DOCK3: variants seen among roughly 807,000 people sequenced by gnomAD.
The protein encoded by DOCK3 is dedicator of cytokinesis 3.
Under a neutral mutation model 265.6 loss-of-function variants are expected in DOCK3, and 60 were observed. That is an observed-to-expected ratio of 0.23 (90% CI 0.18 to 0.28). The LOEUF is 0.28. DOCK3 is among the 10% of genes least tolerant of loss of function. The pLI, the probability that DOCK3 is intolerant of heterozygous loss-of-function variation, is 1.00. For synonymous variants in DOCK3, 881 were observed against 938.0 expected (o/e 0.94, Z 1.11); for missense variants, 1,981 against 2,594.3 (o/e 0.76, Z 5.14).
chr3:50,826,331 TTGAA>T (rs1341138001), intron 2 of DOCK3, among the ~76,000 whole-genome samples: 1 of 152,176 alleles, frequency 6.6e-6, no homozygotes, highest in Non-Finnish European at 1.5e-5. Context: ...TTTTTCCTGT[TTGAA>T]TGATTGGTAT....
intron 5 of DOCK3, among the ~76,000 whole-genome samples, chr3:50,989,575 AAAG>A (rs1308383596): frequency 8.5e-5 from 13 of 152,178 alleles, no homozygotes; most frequent in African/African-American, 2.2e-4. Flanking sequence ...TTGAAACCAG[AAAG>A]AAGAAGTCAG....
chr3:51,142,141 C>T (rs1203783892), intron 9 of DOCK3, among the ~76,000 whole-genome samples: 1 of 152,054 alleles, frequency 6.6e-6, no homozygotes, highest in Admixed American at 6.6e-5. Context: ...TTTCCTTTGC[C>T]AGTTATATCC....
At chr3:50,714,090 G>A (rs188522971) in intron 1 of DOCK3, among the ~76,000 whole-genome samples, 3 of 152,120 alleles carry the variant, frequency 2.0e-5, no homozygotes, top group Admixed American at 6.5e-5. Flanking sequence ...AAACTCCTGG[G>A]GTTATGTGAT....
intron 2 of DOCK3, among the ~76,000 whole-genome samples, chr3:50,839,094 A>G (rs1270570494): frequency 1.3e-5 from 2 of 152,196 alleles, no homozygotes; most frequent in Non-Finnish European, 2.9e-5. Flanking sequence ...TTGCATTATC[A>G]TTATATGGTG....
intron 8 of DOCK3, among the ~76,000 whole-genome samples, chr3:51,089,635 G>A (rs188633435): frequency 2.0e-5 from 3 of 152,222 alleles, no homozygotes; most frequent in East Asian, 3.9e-4. Context: ...CGGGCTGGGC[G>A]TGGTGGCTCA....
chr3:50,959,343 A>G (rs1418376291), intron 5 of DOCK3, among the ~76,000 whole-genome samples: 2 of 151,764 alleles, frequency 1.3e-5, no homozygotes, highest in Non-Finnish European at 2.9e-5. Flanking sequence ...CTTTTTTTTT[A>G]ATAATGAGAA....
chr3:50,828,514 C>T (rs777447878), intron 2 of DOCK3, among the ~76,000 whole-genome samples: 4 of 152,024 alleles, frequency 2.6e-5, no homozygotes, highest in South Asian at 2.1e-4. Context: ...AAGAAATTCT[C>T]ATGCCTCAGC....
intron 5 of DOCK3, among the ~76,000 whole-genome samples, chr3:50,979,374 G>A (rs1431718905): frequency 6.6e-6 from 1 of 152,192 alleles, no homozygotes; most frequent in Admixed American, 6.5e-5. Context: ...CAATATTGGA[G>A]ATAGGGCTCA....
intron 14 of DOCK3, among the ~76,000 whole-genome samples, chr3:51,217,977 G>A (rs566810182): frequency 1.3e-4 from 20 of 151,806 alleles, no homozygotes; most frequent in Non-Finnish European, 2.5e-4. Flanking sequence ...AATTAGCCGG[G>A]GGTCGTGGTG....
At chr3:50,890,365 TCATA>T (rs1195442032) in intron 4 of DOCK3, among the ~76,000 whole-genome samples, 1 of 152,082 alleles carries the variant, frequency 6.6e-6, no homozygotes, top group Admixed American at 6.6e-5. Context: ...GCATAGTCAT[TCATA>T]GAGTAGGAGT....
intron 5 of DOCK3, among the ~76,000 whole-genome samples, chr3:51,009,972 A>T (rs552792932): frequency 6.6e-6 from 1 of 152,220 alleles, no homozygotes; most frequent in Admixed American, 6.6e-5. Flanking sequence ...ATTGCACTGT[A>T]TTCTGAGAGA....
At chr3:51,108,788 A>G (rs371448313) in intron 9 of DOCK3, among the ~76,000 whole-genome samples, 1 of 152,232 alleles carries the variant, frequency 6.6e-6, no homozygotes, top group South Asian at 2.1e-4. Flanking sequence ...AAAAGACAAA[A>G]GAGCATTATA....
Position 51,173,686 on chromosome 3 carries a change from T to C in DOCK3, c.1037+12984T>C, listed in dbSNP as rs541710001. ...GTTTCTGCTGAGAAATCTTCTGATA[T>C]TCTAATAGAGATTCCCTTGTATGGG... On this transcript the variant is annotated intron_variant, in intron 12 of 52. Coordinates refer to ENST00000266037, the MANE Select transcript of DOCK3 (RefSeq NM_004947.5). 3.9e-5 allele frequency among the ~76,000 whole-genome samples: 6 copies of C among 152,342 alleles called. No homozygotes were observed. The East Asian group carries it at 5.8e-4, about 15-fold the overall frequency.
chr3:50,695,022 C>T (rs1308150446), intron 1 of DOCK3, among the ~76,000 whole-genome samples: 1 of 152,120 alleles, frequency 6.6e-6, no homozygotes, highest in Non-Finnish European at 1.5e-5. Flanking sequence ...ATCAATTAGT[C>T]ACTTAAGGTT....
intron 1 of DOCK3, among the ~76,000 whole-genome samples, chr3:50,758,476 A>G (rs555402040): frequency 1.3e-5 from 2 of 152,240 alleles, no homozygotes; most frequent in East Asian, 1.9e-4. Flanking sequence ...AATTAAATTT[A>G]TAGTTTTAAC....
intron 12 of DOCK3, among the ~76,000 whole-genome samples, chr3:51,178,153 G>C (rs2087072067): frequency 6.6e-6 from 1 of 151,876 alleles, no homozygotes; most frequent in African/African-American, 2.4e-5. Flanking sequence ...GAAAACAAAT[G>C]TCACAATATT....
At chr3:51,090,482 A>C in intron 9 of DOCK3, 98 bp downstream of exon 9, 1 of 1,267,278 alleles carries the variant, frequency 7.9e-7, no homozygotes. Context: ...CAGAAGAGGC[A>C]AAACAAGATA....
At chr3:50,694,055 G>A (rs1023176039) in intron 1 of DOCK3, among the ~76,000 whole-genome samples, 1 of 151,642 alleles carries the variant, frequency 6.6e-6, no homozygotes, top group Non-Finnish European at 1.5e-5. Context: ...GATCACCTGA[G>A]GTCAGGAGTT....
intron 7 of DOCK3, among the ~76,000 whole-genome samples, chr3:51,080,502 C>G (rs1284266765): frequency 2.6e-5 from 4 of 152,152 alleles, no homozygotes; most frequent in African/African-American, 9.7e-5. Context: ...ATTGGCTGAC[C>G]AGCTGAAGTC....
Sources: allele counts gnomAD v4.1 joint callset (sites outside exome capture counted in the v4.1 genomes callset), GRCh38; gene constraint gnomAD v4.1.1; transcripts MANE v1.5; gene names NCBI Gene and HGNC (gene_info 2026-07-23, HGNC 2026-07-21).